Variants in TMEM87A observed in about 807,000 individuals in gnomAD.
TMEM87A encodes transmembrane protein 87A, also known as Golgi-pH regulating cation channel.
TMEM87A carries 50 observed loss-of-function variants against 90.0 expected under a neutral mutation model. That is an observed-to-expected ratio of 0.56 (90% confidence interval 0.44 to 0.70). The LOEUF is 0.70. Among genes scored for constraint, TMEM87A ranks in the 30% least tolerant of loss-of-function variants. The pLI, the probability that TMEM87A is intolerant of heterozygous loss-of-function variation, is 0.00. For missense variants in TMEM87A, 577 were observed against 660.5 expected, an observed-to-expected ratio of 0.87 and a Z score of 1.39; for synonymous variants, 226 against 226.7, an observed-to-expected ratio of 1.00 and a Z score of 0.03.
chr15:42,219,680 G>GGTCTGTTCACAAAGTTA, intron 16 of TMEM87A, 38 bp from the exon 17 acceptor site: 2 of 1,412,510 alleles, frequency 1.4e-6, no homozygotes, highest in Non-Finnish European at 1.9e-6. Context: ...TTAACTTTGT[G>GGTCTGTTCACAAAGTTA]AACAGACCAA....
Position 42,243,556 on chromosome 15 carries a change from G to A in TMEM87A, c.622+494C>T, listed in dbSNP as rs868751910. ...TTTGAGAACAAGAACGAAAGTTCTT[G>A]TTGCCCAGGCTGGAGTGGAATGGCG... On this transcript the variant is annotated intron_variant, in intron 7 of 19. Coordinates refer to ENST00000389834, the MANE Select transcript of TMEM87A (RefSeq NM_015497.5). 1.3e-4 allele frequency among the ~76,000 whole-genome samples: 12 copies of A among 90,130 alleles called. No homozygotes were observed. The South Asian group carries it at 3.2e-3, about 24-fold the overall frequency. The allele number at this position is 90,130 out of a possible 152,430, so 59.1% of individuals were successfully genotyped here.
Position 42,236,352 on chromosome 15 carries a change from G to A in TMEM87A, c.936C>T (p.Val312=). ...TGCCATATCCCAGACTGACTATGAT[G>A]ACCAGGGTTCGAGCCAGTGAGCGTT... The part of the protein sequence containing the change: ...AVKRSLARTL[V]IIVSLGYGIV... Residue 312 remains valine (V), a synonymous_variant, in exon 10 of 20, where the codon GTC becomes GTT. Coordinates refer to ENST00000389834, the MANE Select transcript of TMEM87A (RefSeq NM_015497.5). 6.2e-7 allele frequency: 1 copy of A among 1,614,108 alleles called. No individual in the cohort carries two copies. The highest frequency in any genetic ancestry group is 8.5e-7 in the Non-Finnish European group (1 of 1,179,984).
chr15:42,247,144 T>C (rs2050992867), intron 6 of TMEM87A, among the ~76,000 whole-genome samples: 1 of 150,822 alleles, frequency 6.6e-6, no homozygotes. Flanking sequence ...ATGGGGTTGA[T>C]TTTTTCTTGT....
chr15:42,246,690 T>C (rs138129083), intron 6 of TMEM87A, among the ~76,000 whole-genome samples: 2,477 of 152,320 alleles, frequency 0.016, 72 homozygotes, highest in African/African-American at 0.057. Context: ...ATCCAGTCTA[T>C]CATTGACGGA....
intron 17 of TMEM87A, 135 bp from the exon 18 acceptor site, chr15:42,218,513 G>T (rs775706857): frequency 2.7e-6 from 2 of 737,682 alleles, no homozygotes; most frequent in South Asian, 2.7e-5. Context: ...TGACAGAAAA[G>T]TCAAATATTT....
At chr15:42,227,178 G>A (rs945363769) in intron 14 of TMEM87A, among the ~76,000 whole-genome samples, 2 of 152,180 alleles carry the variant, frequency 1.3e-5, no homozygotes, top group Admixed American at 6.5e-5. Flanking sequence ...GAAGCTTTAA[G>A]AAAGGGTTTT....
chr15:42,267,926 C>G, intron 3 of TMEM87A, 21 bp downstream of exon 3: 1 of 1,595,700 alleles, frequency 6.3e-7, no homozygotes, highest in Non-Finnish European at 8.6e-7. Flanking sequence ...CAAAAAAACT[C>G]TGTAATTTTA....
chr15:42,236,410 G>A lies in TMEM87A; in HGVS notation c.878C>T (p.Ala293Val), dbSNP rs148310303. The stretch of plus-strand genomic sequence containing the variant: ...TGAAAGCAGCTCTGCAAGGATCAAA[G>A]CACCCTGGACTATGAAAAAGAAGGG... ...IRYKGESVQGALILAELLSAV... is the reference protein window; with the variant it reads ...IRYKGESVQGVLILAELLSAV... Residue 293 changes from alanine (A) to valine (V), a missense_variant, in exon 10 of 20, where the codon GCT (alanine) becomes GTT (valine). By Grantham distance (64) the Ala-to-Val change is moderately conservative. Transcript: ENST00000389834. 1 of 1,613,950 alleles carries A rather than the reference G, an allele frequency of 6.2e-7. No individual in the cohort carries two copies. The highest frequency in any genetic ancestry group is 2.2e-5 in the East Asian group (1 of 44,884).
At chr15:42,240,403 AG>A (rs1327478102) in intron 7 of TMEM87A, among the ~76,000 whole-genome samples, 2 of 152,226 alleles carry the variant, frequency 1.3e-5, no homozygotes, top group African/African-American at 2.4e-5. Flanking sequence ...ATAACTCAAA[AG>A]TTCAGATGCT....
At chr15:42,266,942 G>T (rs1322497592) in intron 3 of TMEM87A, among the ~76,000 whole-genome samples, 1 of 152,104 alleles carries the variant, frequency 6.6e-6, no homozygotes, top group African/African-American at 2.4e-5. Context: ...ACTCAGACTT[G>T]GTTATTTGAG....
At chr15:42,236,165 A>G (rs375408817) in intron 10 of TMEM87A, among the ~76,000 whole-genome samples, 155 bp downstream of exon 10, 5 of 152,274 alleles carry the variant, frequency 3.3e-5, no homozygotes, top group Non-Finnish European at 5.9e-5. Flanking sequence ...CATTTTCCCA[A>G]CATTTACAAT....
Position 42,264,207 on chromosome 15 carries a change from G to GA in TMEM87A, c.292-5dup, listed in dbSNP as rs773822917. 7 of 1,601,300 alleles carry GA rather than the reference G, an allele frequency of 4.4e-6. No individual in the cohort carries two copies. The highest frequency in any genetic ancestry group is 6.0e-6 in the Non-Finnish European group (7 of 1,170,200). On this transcript the variant is annotated splice_polypyrimidine_tract_variant and splice_region_variant and intron_variant, in intron 3 of 19. Coordinates refer to ENST00000389834, the MANE Select transcript of TMEM87A (RefSeq NM_015497.5). ...AATACAACTCTACTTCTTCTGCCTGGAAAAAGAGATAATACAGAGTAGTTA... is the reference window on the plus strand; with the variant it reads ...AATACAACTCTACTTCTTCTGCCTGGAAAAAAGAGATAATACAGAGTAGTTA...
chr15:42,248,859 G>C (rs1292479800), intron 6 of TMEM87A, among the ~76,000 whole-genome samples: 1 of 152,178 alleles, frequency 6.6e-6, no homozygotes, highest in Admixed American at 6.5e-5. Flanking sequence ...AGAAGGAATG[G>C]TACCAGCTCC....
At chr15:42,221,080 C>A (rs952935412) in intron 15 of TMEM87A, among the ~76,000 whole-genome samples, 11 of 152,290 alleles carry the variant, frequency 7.2e-5, no homozygotes, top group Admixed American at 6.5e-4. Context: ...AGCCGCCCGC[C>A]ACGGCCTCCC....
intron 3 of TMEM87A, among the ~76,000 whole-genome samples, chr15:42,265,514 G>C (rs2051385400): frequency 6.6e-6 from 1 of 151,522 alleles, no homozygotes; most frequent in Non-Finnish European, 1.5e-5. Flanking sequence ...CTTTTGAAAA[G>C]TGTCTGTTCA....
At chr15:42,258,968 T>G (rs1008313180) in intron 6 of TMEM87A, 3 of 992,364 alleles carry the variant, frequency 3.0e-6, no homozygotes, top group African/African-American at 1.6e-5. Flanking sequence ...CAAGAAATGT[T>G]TCTTCAAGAA....
rs182643021 is a variant in TMEM87A, at chr15:42,258,314, A to T, written c.504+2644T>A. 4.3e-6 allele frequency: 3 copies of T among 696,700 alleles called. No homozygotes were observed. In the African/African-American group the frequency reaches 5.7e-5, roughly 13 times the overall value. The allele number at this position is 696,700 out of a possible 1,614,324, so 43.2% of individuals were successfully genotyped here. On this transcript the variant is annotated intron_variant, in intron 6 of 19. Transcript: ENST00000389834. ...CCATATACAAAAGAATAGGAAGATAAATATATCACTGCATGGTATTATAGA... is the reference window on the plus strand; with the variant it reads ...CCATATACAAAAGAATAGGAAGATATATATATCACTGCATGGTATTATAGA...
At position 42,238,029 on chromosome 15, in the gene TMEM87A, GTGTGTGTA is replaced by G. The variant is rs1185310328; in HGVS notation, c.685-422_685-415del. Reference sequence around the variant, plus strand: ...TATGTGTGTGTGTGTGTGTGTGTGTGTGTGTGTATGTATGTATCACATATGTATACCAT... The same window carrying G: ...TATGTGTGTGTGTGTGTGTGTGTGTGTGTATGTATCACATATGTATACCAT... On this transcript the variant is annotated intron_variant, in intron 8 of 19. Coordinates refer to ENST00000389834, the MANE Select transcript of TMEM87A (RefSeq NM_015497.5). 7.9e-3 allele frequency among the ~76,000 whole-genome samples: 892 copies of G among 112,324 alleles called. 13 individuals are homozygous for G. The highest frequency in any genetic ancestry group is 0.024 in the African/African-American group (854 of 35,088). The allele number at this position is 112,324 out of a possible 152,430, so 73.7% of individuals were successfully genotyped here. A position where few individuals can be genotyped will look rare whatever the true frequency, so the allele number is the denominator to read the frequency against.
upstream of TMEM87A, chr15:42,273,540 C>T (rs958300404): frequency 7.2e-6 from 10 of 1,388,146 alleles, no homozygotes; most frequent in African/African-American, 7.4e-5. Flanking sequence ...GTAGCGGCCC[C>T]TCTCTCAGAC....
Sources: gnomAD v4.1 joint callset for allele counts (sites outside exome capture counted in the v4.1 genomes callset) on GRCh38, gnomAD v4.1.1 for gene constraint, MANE v1.5 for transcripts, NCBI Gene and HGNC (gene_info 2026-07-23, HGNC 2026-07-21) for gene names.